SYN3: variants seen among roughly 807,000 people sequenced by gnomAD.
The protein encoded by SYN3 is synapsin-3.
A neutral mutation model predicts 65.8 loss-of-function variants in SYN3; 35 were observed. The ratio of observed to expected loss-of-function variants is 0.53; its 90% CI spans 0.41 to 0.70. The LOEUF (loss-of-function observed/expected upper bound fraction) is 0.70. Ranked by LOEUF, SYN3 falls within the 30% of genes least tolerant of loss-of-function variation. The pLI is 0.00. For synonymous variants in SYN3, 270 were observed against 292.9 expected, an observed-to-expected ratio of 0.92 and a Z score of 0.80; for missense variants, 680 against 749.0, an observed-to-expected ratio of 0.91 and a Z score of 1.08.
chr22:32,672,586 T>A (rs2060386143), intron 6 of SYN3, among the ~76,000 whole-genome samples: 1 of 152,180 alleles, frequency 6.6e-6, no homozygotes, highest in Non-Finnish European at 1.5e-5. Context: ...ATCTCTCTGA[T>A]CTCTCCACAG....
At chr22:32,807,194 T>C (rs1260182691) in intron 6 of SYN3, among the ~76,000 whole-genome samples, 1 of 149,244 alleles carries the variant, frequency 6.7e-6, no homozygotes, top group Non-Finnish European at 1.5e-5. Flanking sequence ...GGGAAGAGTC[T>C]TGGAACCTTG....
At chr22:32,683,875 A>G (rs948004149) in intron 6 of SYN3, among the ~76,000 whole-genome samples, 6 of 152,192 alleles carry the variant, frequency 3.9e-5, no homozygotes, top group African/African-American at 1.4e-4. Context: ...CTAGAAGTAC[A>G]CTAGCAAGCA....
At chr22:32,717,388 A>G (rs191051234) in intron 6 of SYN3, among the ~76,000 whole-genome samples, 412 of 152,268 alleles carry the variant, frequency 2.7e-3, no homozygotes, top group Middle Eastern at 0.01. Context: ...AATCTCTCCC[A>G]TATCGGGTGA....
chr22:32,710,274 T>C (rs761379810), intron 6 of SYN3, among the ~76,000 whole-genome samples: 3 of 151,556 alleles, frequency 2.0e-5, no homozygotes, highest in Non-Finnish European at 2.9e-5. Flanking sequence ...TGGTTCCTCA[T>C]GGTTTAACAC....
chr22:32,844,712 C>CTT (rs1376474600), intron 6 of SYN3, among the ~76,000 whole-genome samples: 8 of 143,852 alleles, frequency 5.6e-5, no homozygotes, highest in East Asian at 4.0e-4. Context: ...CTTCTTCTTC[C>CTT]TTTTTTTTTT....
chr22:32,985,446 G>A (rs1361436789), intron 2 of SYN3, among the ~76,000 whole-genome samples: 3 of 152,270 alleles, frequency 2.0e-5, no homozygotes, highest in Admixed American at 2.0e-4. Context: ...AAAAGAGGTG[G>A]CCTTGGCCTA....
intron 6 of SYN3, among the ~76,000 whole-genome samples, chr22:32,632,245 G>A (rs1439079298): frequency 1.3e-5 from 2 of 152,230 alleles, no homozygotes; most frequent in Non-Finnish European, 1.5e-5. Flanking sequence ...GCAGGCAGCA[G>A]CTTAATGTTA....
At chr22:32,743,800 A>C (rs1003229079) in intron 6 of SYN3, among the ~76,000 whole-genome samples, 4 of 151,954 alleles carry the variant, frequency 2.6e-5, no homozygotes, top group Admixed American at 2.0e-4. Context: ...TGCAGAAGGC[A>C]ATGAGTTGGT....
At chr22:32,528,670 G>T (rs377532048) in intron 11 of SYN3, among the ~76,000 whole-genome samples, 1 of 152,156 alleles carries the variant, frequency 6.6e-6, no homozygotes, top group Non-Finnish European at 1.5e-5. Flanking sequence ...AAGGGAAGGG[G>T]CCTCTGAAAG....
intron 4 of SYN3, among the ~76,000 whole-genome samples, chr22:32,907,702 A>C (rs552201856): frequency 1.4e-4 from 21 of 152,338 alleles, no homozygotes; most frequent in African/African-American, 5.1e-4. Context: ...ATTAGAGGGA[A>C]ATAAAAAACA....
chr22:32,711,111 C>T (rs1353368877), intron 6 of SYN3, among the ~76,000 whole-genome samples: 1 of 152,160 alleles, frequency 6.6e-6, no homozygotes, highest in Non-Finnish European at 1.5e-5. Flanking sequence ...GGTCTTTGGA[C>T]ATGGGAATTT....
At position 32,575,523 on chromosome 22, in the gene SYN3, T is replaced by C. The variant is rs571651484; in HGVS notation, c.774+21151A>G. Among the ~76,000 whole-genome samples, 515 of 152,320 alleles carry C rather than the reference T, an allele frequency of 3.4e-3. 1 individual carries two copies. The highest frequency in any genetic ancestry group is 0.012 in the African/African-American group (496 of 41,582). The stretch of plus-strand genomic sequence containing the variant: ...CCTGCCCCTGAGTCATGACCTGCGA[T>C]GCACTGGCTGATGCTTTTAGCTGAG... On this transcript the variant is annotated intron_variant, in intron 7 of 13. Transcript: ENST00000358763.
At chr22:32,651,656 C>T (rs1467202289) in intron 6 of SYN3, among the ~76,000 whole-genome samples, 2 of 152,188 alleles carry the variant, frequency 1.3e-5, no homozygotes, top group Admixed American at 6.5e-5. Flanking sequence ...CGTGATACCC[C>T]ATCATCAGAG....
intron 3 of SYN3, among the ~76,000 whole-genome samples, chr22:32,977,940 T>C (rs977734304): frequency 3.9e-5 from 6 of 152,008 alleles, no homozygotes; most frequent in Admixed American, 2.6e-4. Flanking sequence ...TCAAAATGTG[T>C]GGCTAGAAAC....
At chr22:33,038,527 C>T (rs530337606) in intron 1 of SYN3, among the ~76,000 whole-genome samples, 6 of 152,292 alleles carry the variant, frequency 3.9e-5, no homozygotes, top group African/African-American at 1.4e-4. Flanking sequence ...TCCAGACCTG[C>T]TTAGGGACAC....
At chr22:32,743,951 T>C (rs2044851545) in intron 6 of SYN3, among the ~76,000 whole-genome samples, 1 of 152,062 alleles carries the variant, frequency 6.6e-6, no homozygotes, top group African/African-American at 2.4e-5. Context: ...TCATCACTAC[T>C]ACCTGCGTGA....
chr22:32,943,010 G>A (rs925003016), intron 3 of SYN3, among the ~76,000 whole-genome samples: 10 of 152,194 alleles, frequency 6.6e-5, no homozygotes, highest in East Asian at 3.8e-4. Context: ...GAACCAAGGT[G>A]GAAAACACTC....
intron 6 of SYN3, among the ~76,000 whole-genome samples, chr22:32,648,928 G>A (rs1388326723): frequency 6.6e-6 from 1 of 152,106 alleles, no homozygotes; most frequent in African/African-American, 2.4e-5. Context: ...AGTTTGGATG[G>A]GCACAAAGTA....
chr22:32,901,539 T>C (rs1601655220), intron 4 of SYN3, among the ~76,000 whole-genome samples: 1 of 152,290 alleles, frequency 6.6e-6, no homozygotes, highest in East Asian at 1.9e-4. Context: ...GTCTTGGAGC[T>C]CCTCTCATAA....
Sources: gnomAD v4.1 joint callset for allele counts (sites outside exome capture counted in the v4.1 genomes callset) on GRCh38, gnomAD v4.1.1 for gene constraint, MANE v1.5 for transcripts, NCBI Gene and HGNC (gene_info 2026-07-23, HGNC 2026-07-21) for gene names.